COL13A1: variants seen among roughly 807,000 people sequenced by gnomAD.
COL13A1 encodes the protein collagen alpha-1(XIII) chain.
COL13A1 carries 89 observed loss-of-function variants against 130.9 expected under a neutral mutation model. The observed-to-expected ratio is 0.68, with a 90% CI of 0.57 to 0.81. The LOEUF (loss-of-function observed/expected upper bound fraction) is 0.81. COL13A1 is among the 30% of genes least tolerant of loss of function. COL13A1 has a pLI of 0.00. For synonymous variants in COL13A1, 402 were observed against 341.6 expected (o/e 1.18, Z -1.95); for missense variants, 879 against 934.6 (o/e 0.94, Z 0.78).
intron 2 of COL13A1, among the ~76,000 whole-genome samples, chr10:69,867,155 C>G (rs2058604440): frequency 6.6e-6 from 1 of 152,060 alleles, no homozygotes; most frequent in Non-Finnish European, 1.5e-5. Context: ...GAGTGGACAC[C>G]AGAAAGAGAA....
intron 1 of COL13A1, among the ~76,000 whole-genome samples, chr10:69,804,385 T>C (rs975091022): frequency 2.0e-5 from 3 of 152,042 alleles, no homozygotes; most frequent in Admixed American, 6.6e-5. Flanking sequence ...GACTTAGACA[T>C]GCCAAGTCGC....
Position 69,889,308 on chromosome 10 carries a change from G to A in COL13A1, c.577-106G>A, listed in dbSNP as rs11595845. The A allele has an allele frequency of 8.3e-4, 1,198 of 1,435,618 alleles. 7 individuals carry two copies. Among genetic ancestry groups the A allele is most frequent in the South Asian group, 4.1e-3 (332 of 80,826 alleles). 88.9% of individuals were successfully genotyped at this position (1,435,618 alleles called of 1,614,324 possible). A position where few individuals can be genotyped will look rare whatever the true frequency, so the allele number is the denominator to read the frequency against. ...GAGCACAGGGGACAGGGAGGAGCAC[G>A]GGGGGCAGGGAGGAGCACAGGGGGC... On this transcript the variant is annotated intron_variant, in intron 9 of 40. Coordinates refer to ENST00000645393, the MANE Select transcript of COL13A1 (RefSeq NM_001368882.1).
chr10:69,824,703 T>G (rs561141342), intron 2 of COL13A1, among the ~76,000 whole-genome samples: 5 of 152,238 alleles, frequency 3.3e-5, no homozygotes, highest in Admixed American at 2.0e-4. Context: ...CAGCAAGGGC[T>G]GAGTTGGCCA....
intron 10 of COL13A1, among the ~76,000 whole-genome samples, chr10:69,893,079 G>T (rs1273834370): frequency 6.6e-6 from 1 of 152,216 alleles, no homozygotes; most frequent in Non-Finnish European, 1.5e-5. Flanking sequence ...GGCCGAGCGC[G>T]GTGGCTCACA....
chr10:69,869,581 G>A (rs77425839), intron 3 of COL13A1, among the ~76,000 whole-genome samples: 1 of 152,194 alleles, frequency 6.6e-6, no homozygotes, highest in Non-Finnish European at 1.5e-5. Context: ...ACATAACTGT[G>A]CAGGATGGAT....
At chr10:69,870,241 T>C (rs1444858363) in intron 3 of COL13A1, among the ~76,000 whole-genome samples, 2 of 152,080 alleles carry the variant, frequency 1.3e-5, no homozygotes, top group Non-Finnish European at 2.9e-5. Flanking sequence ...AAGGCTTCCC[T>C]AGATGATGCC....
At chr10:69,939,112 AT>A (rs912746178) in intron 34 of COL13A1, among the ~76,000 whole-genome samples, 13 of 151,574 alleles carry the variant, frequency 8.6e-5, no homozygotes, top group East Asian at 3.9e-4. Flanking sequence ...ACAGAGAAGT[AT>A]TTTTTTTTAG....
At chr10:69,910,846 C>G (rs560993866) in intron 17 of COL13A1, among the ~76,000 whole-genome samples, 1 of 152,166 alleles carries the variant, frequency 6.6e-6, no homozygotes, top group Non-Finnish European at 1.5e-5. Context: ...CTTTTAAGTA[C>G]GCAGAACTGG....
intron 38 of COL13A1, among the ~76,000 whole-genome samples, 152 bp downstream of exon 38, chr10:69,947,494 G>A (rs1204380283): frequency 6.6e-6 from 1 of 152,164 alleles, no homozygotes; most frequent in African/African-American, 2.4e-5. Flanking sequence ...GCCTTAACCT[G>A]TGGCATGTAG....
intron 2 of COL13A1, among the ~76,000 whole-genome samples, chr10:69,823,469 G>A (rs761640544): frequency 6.6e-6 from 1 of 152,190 alleles, no homozygotes; most frequent in South Asian, 2.1e-4. Context: ...AGCTCAGCGT[G>A]TGGCCTCCTC....
chr10:69,865,652 T>C (rs989888017), intron 2 of COL13A1, among the ~76,000 whole-genome samples: 3 of 152,210 alleles, frequency 2.0e-5, no homozygotes, highest in Non-Finnish European at 4.4e-5. Flanking sequence ...GGGACAGGTA[T>C]GGGTAGTGGC....
intron 2 of COL13A1, among the ~76,000 whole-genome samples, chr10:69,863,674 C>A (rs1207317668): frequency 6.6e-6 from 1 of 152,160 alleles, no homozygotes; most frequent in Non-Finnish European, 1.5e-5. Flanking sequence ...GGCCCAGCCG[C>A]CCCTTCCACC....
At chr10:69,890,060 C>T (rs61856639) in intron 10 of COL13A1, among the ~76,000 whole-genome samples, 44,510 of 151,994 alleles carry the variant, frequency 0.29, 6,764 homozygotes, top group Non-Finnish European at 0.34. Context: ...CACAGCATCC[C>T]GCGGCCACCA....
intron 13 of COL13A1, among the ~76,000 whole-genome samples, chr10:69,896,059 G>A (rs993486625): frequency 1.3e-5 from 2 of 152,162 alleles, no homozygotes; most frequent in African/African-American, 4.8e-5. Context: ...TGTATCAGAT[G>A]ATGGTGTTTC....
chr10:69,826,678 G>A (rs1052175521), intron 2 of COL13A1, among the ~76,000 whole-genome samples: 6 of 152,050 alleles, frequency 3.9e-5, no homozygotes, highest in Non-Finnish European at 8.8e-5. Context: ...ATATTGTTAG[G>A]GCATCATAGA....
chr10:69,841,166 G>T (rs960513143), intron 2 of COL13A1, among the ~76,000 whole-genome samples: 1 of 149,976 alleles, frequency 6.7e-6, no homozygotes, highest in African/African-American at 2.5e-5. Flanking sequence ...TCTTCCCTCT[G>T]CCAGGAACCC....
intron 17 of COL13A1, among the ~76,000 whole-genome samples, chr10:69,907,837 C>G (rs2062941512): frequency 6.6e-6 from 1 of 152,226 alleles, no homozygotes; most frequent in African/African-American, 2.4e-5. Flanking sequence ...TGATAACTAT[C>G]CCACTCCCGC....
At position 69,923,336 on chromosome 10, in the gene COL13A1, G is replaced by A. The variant is rs117653157; in HGVS notation, c.1231-466G>A. On this transcript the variant is annotated intron_variant, in intron 23 of 40. Transcript: ENST00000645393. ...ACTTTCCTTTTGCTGCTTGAAAAGT[G>A]CAATGGTAAGATTTGGGTTCCCCAA... Among the ~76,000 whole-genome samples the A allele has an allele frequency of 5.3e-3, 806 of 152,356 alleles. 2 individuals are homozygous for A. Among genetic ancestry groups the A allele is most frequent in the Non-Finnish European group, 9.6e-3 (650 of 68,036 alleles).
chr10:69,952,262 C>G (rs1418479372), intron 38 of COL13A1, among the ~76,000 whole-genome samples: 1 of 152,232 alleles, frequency 6.6e-6, no homozygotes, highest in African/African-American at 2.4e-5. Flanking sequence ...AAGGCACACA[C>G]ATGTGTTCAC....
Sources: allele counts gnomAD v4.1 joint callset (sites outside exome capture counted in the v4.1 genomes callset), GRCh38; gene constraint gnomAD v4.1.1; transcripts MANE v1.5; gene names NCBI Gene and HGNC (gene_info 2026-07-23, HGNC 2026-07-21).